RBPJ: variants seen among roughly 807,000 people sequenced by gnomAD.
RBPJ encodes the protein recombining binding protein suppressor of hairless.
A neutral mutation model predicts 67.8 loss-of-function variants in RBPJ; 9 were observed. The ratio of observed to expected loss-of-function variants is 0.13; its 90% CI spans 0.08 to 0.23. The LOEUF (loss-of-function observed/expected upper bound fraction) is 0.23, where lower values mean the gene tolerates loss of function less well. Ranked by LOEUF, RBPJ falls within the 10% of genes least tolerant of loss-of-function variation. RBPJ has a pLI of 1.00. For synonymous variants in RBPJ, 198 were observed against 203.3 expected (o/e 0.97, Z 0.22); for missense variants, 305 against 595.6 (o/e 0.51, Z 5.08).
At chr4:26,428,358 C>T (rs948877658) in intron 7 of RBPJ, among the ~76,000 whole-genome samples, 9 of 152,164 alleles carry the variant, frequency 5.9e-5, no homozygotes, top group Non-Finnish European at 2.9e-5. Context: ...GAATATCAGG[C>T]CCCACAAGAG....
chr4:26,210,670 C>CTTT (rs1219820596), intron 1 of RBPJ, among the ~76,000 whole-genome samples: 9 of 23,288 alleles, frequency 3.9e-4, no homozygotes, highest in South Asian at 1.2e-3. Context: ...TTTTTTCTTT[C>CTTT]TTTCTTTCTT....
intron 1 of RBPJ, chr4:26,322,787 G>A (rs1723224148): frequency 6.6e-6 from 1 of 151,770 alleles, no homozygotes; most frequent in South Asian, 2.1e-4. Flanking sequence ...TAAAAGCTTG[G>A]GGTTGTGTGA....
chr4:26,325,252 C>G (rs1324149765), intron 1 of RBPJ, among the ~76,000 whole-genome samples: 1 of 152,166 alleles, frequency 6.6e-6, no homozygotes, highest in African/African-American at 2.4e-5. Flanking sequence ...CATTTCTCAC[C>G]TGGTTTACTA....
chr4:26,300,217 C>A (rs190171558), intron 1 of RBPJ, among the ~76,000 whole-genome samples: 3 of 151,740 alleles, frequency 2.0e-5, no homozygotes, highest in Non-Finnish European at 1.5e-5. Context: ...AAAACATCCA[C>A]CTTGCAGAGC....
chr4:26,299,672 C>CTTTTTTTTTTTTTTT (rs397879662), intron 1 of RBPJ, among the ~76,000 whole-genome samples: 2 of 85,292 alleles, frequency 2.3e-5, no homozygotes, highest in Non-Finnish European at 2.2e-5. Flanking sequence ...AGACTGTGTG[C>CTTTTTTTTTTTTTTT]TTTTTTTTTT....
rs200413527 is a variant in RBPJ, at chr4:26,210,756, T to TTTCCTTCTTTCC, written c.-167+47145_-167+47146insCTTCTTTCCTTC. ...CTTTACTTCTTTCCTTCTTTCCTTC[T>TTTCCTTCTTTCC]TTCTTTCTTTCTTTCTTTCTTTCTT... On this transcript the variant is annotated intron_variant, in intron 1 of 4. Coordinates refer to the RBPJ transcript ENST00000512351. Among the ~76,000 whole-genome samples the TTTCCTTCTTTCC allele has an allele frequency of 3.3e-4, 36 of 108,424 alleles. 1 individual carries two copies. The East Asian group carries it at 5.6e-3, about 17-fold the overall frequency. 71.1% of individuals were successfully genotyped at this position (108,424 alleles called of 152,430 possible).
chr4:26,184,178 T>C (rs111870372), intron 1 of RBPJ, among the ~76,000 whole-genome samples: 6,525 of 124,598 alleles, frequency 0.052, 499 homozygotes, highest in African/African-American at 0.21. Flanking sequence ...TGAGACTTCA[T>C]CTCAAAAAAA....
At chr4:26,168,934 G>A (rs1191435402) in intron 1 of RBPJ, among the ~76,000 whole-genome samples, 1 of 152,072 alleles carries the variant, frequency 6.6e-6, no homozygotes, top group Non-Finnish European at 1.5e-5. Context: ...GCTCCTTTAA[G>A]CACTTCTCTG....
intron 1 of RBPJ, among the ~76,000 whole-genome samples, chr4:26,325,796 G>T (rs1193138587): frequency 6.6e-6 from 1 of 152,124 alleles, no homozygotes; most frequent in African/African-American, 2.4e-5. Context: ...GCAGTTTAAT[G>T]CGTTCTTGTG....
chr4:26,215,325 GAAA>G (rs770399404), intron 1 of RBPJ, among the ~76,000 whole-genome samples: 1 of 74,750 alleles, frequency 1.3e-5, no homozygotes, highest in Non-Finnish European at 2.4e-5. Flanking sequence ...AAGAAAGAAA[GAAA>G]AAGAGAGAGA....
chr4:26,287,597 AGGGGAGGGGAGGGGAGGGGAGGGGAGGG>A (rs1721518142), intron 1 of RBPJ, among the ~76,000 whole-genome samples: 1 of 2,044 alleles, frequency 4.9e-4, no homozygotes, highest in Non-Finnish European at 1.2e-3. Flanking sequence ...AGGAGAGGGG[AGGGGAGGGGAGGGGAGGGGAGGGGAGGG>A]GAGGGGAGGG....
chr4:26,115,962 A>G, the RBPJ span, among the ~76,000 whole-genome samples: 1 of 151,780 alleles, frequency 6.6e-6, no homozygotes, highest in Admixed American at 6.6e-5. Context: ...AAAAAACTCT[A>G]CAATAGTCTT....
intron 1 of RBPJ, among the ~76,000 whole-genome samples, chr4:26,194,238 C>G (rs887939352): frequency 1.3e-5 from 2 of 152,178 alleles, no homozygotes; most frequent in African/African-American, 4.8e-5. Flanking sequence ...CTTGACCTTT[C>G]CCATTGGATA....
intron 1 of RBPJ, among the ~76,000 whole-genome samples, chr4:26,240,173 A>G (rs1719589828): frequency 6.6e-6 from 1 of 152,216 alleles, no homozygotes; most frequent in African/African-American, 2.4e-5. Flanking sequence ...TAGTGTAACT[A>G]TACCCCAACA....
chr4:26,313,046 C>T (rs34679711), intron 1 of RBPJ, among the ~76,000 whole-genome samples: 143 of 152,298 alleles, frequency 9.4e-4, no homozygotes, highest in African/African-American at 3.2e-3. Context: ...CCTCAGCCTC[C>T]TGAGTAGCTG....
intron 1 of RBPJ, among the ~76,000 whole-genome samples, chr4:26,251,561 G>A (rs942833915): frequency 7.9e-5 from 12 of 151,206 alleles, no homozygotes; most frequent in African/African-American, 2.9e-4. Context: ...GCTTGAACAT[G>A]GGAGGTGGAG....
chr4:26,312,837 A>C (rs896073857), intron 1 of RBPJ, among the ~76,000 whole-genome samples: 1 of 152,206 alleles, frequency 6.6e-6, no homozygotes, highest in Non-Finnish European at 1.5e-5. Flanking sequence ...GTGGTAGGTA[A>C]TCTAAACATG....
At chr4:26,184,678 G>A (rs779153940) in intron 1 of RBPJ, among the ~76,000 whole-genome samples, 1 of 152,162 alleles carries the variant, frequency 6.6e-6, no homozygotes, top group East Asian at 1.9e-4. Context: ...CCTCATAACA[G>A]ATTGGAGTGG....
At chr4:26,356,856 T>C (rs1263326138) in intron 1 of RBPJ, among the ~76,000 whole-genome samples, 3 of 152,238 alleles carry the variant, frequency 2.0e-5, no homozygotes, top group African/African-American at 7.2e-5. Context: ...GTTATACTTT[T>C]GATAGATACT....
Sources: allele counts gnomAD v4.1 joint callset (sites outside exome capture counted in the v4.1 genomes callset), GRCh38; gene constraint gnomAD v4.1.1; transcripts MANE v1.5; gene names NCBI Gene and HGNC (gene_info 2026-07-23, HGNC 2026-07-21).